TBC1D4: variants seen among roughly 807,000 people sequenced by gnomAD.
TBC1D4 encodes the protein TBC (Tre-2, BUB2, CDC16) domain-containing protein.
TBC1D4 carries 121 observed loss-of-function variants against 142.5 expected under a neutral mutation model. That is an observed-to-expected ratio of 0.85 (90% CI 0.73 to 0.99). The LOEUF (loss-of-function observed/expected upper bound fraction) is 0.99. Ranked by LOEUF, TBC1D4 falls within the 50% of genes least tolerant of loss-of-function variation. The pLI is 0.00. For synonymous variants in TBC1D4, 630 were observed against 628.2 expected, an observed-to-expected ratio of 1.00 and a Z score of -0.04; for missense variants, 1,475 against 1,606.6, an observed-to-expected ratio of 0.92 and a Z score of 1.40.
intron 1 of TBC1D4, among the ~76,000 whole-genome samples, chr13:75,378,428 TGA>T: frequency 6.6e-6 from 1 of 152,200 alleles, no homozygotes; most frequent in African/African-American, 2.4e-5. Context: ...ATCTAAACAA[TGA>T]GAGAAAACAT....
intron 1 of TBC1D4, among the ~76,000 whole-genome samples, chr13:75,398,794 T>C (rs1884933199): frequency 6.6e-6 from 1 of 152,156 alleles, no homozygotes; most frequent in Admixed American, 6.5e-5. Flanking sequence ...ATGGTTAGTA[T>C]CAAGAAAGTA....
At chr13:75,402,120 CAT>C (rs1885121162) in intron 1 of TBC1D4, among the ~76,000 whole-genome samples, 1 of 152,138 alleles carries the variant, frequency 6.6e-6, no homozygotes, top group Admixed American at 6.5e-5. Flanking sequence ...CAAGGATGAA[CAT>C]GGCACAGATT....
At chr13:75,448,358 G>A (rs1041787474) in intron 1 of TBC1D4, among the ~76,000 whole-genome samples, 4 of 151,798 alleles carry the variant, frequency 2.6e-5, no homozygotes, top group Admixed American at 6.6e-5. Context: ...ACCTGAGGTC[G>A]GGAGTTCAAC....
At chr13:75,405,190 T>A (rs987281645) in intron 1 of TBC1D4, among the ~76,000 whole-genome samples, 1 of 151,312 alleles carries the variant, frequency 6.6e-6, no homozygotes, top group African/African-American at 2.4e-5. Flanking sequence ...AGTAAACATA[T>A]AATTTTTGCA....
chr13:75,428,586 T>C (rs556381053), intron 1 of TBC1D4, among the ~76,000 whole-genome samples: 14 of 152,318 alleles, frequency 9.2e-5, no homozygotes, highest in African/African-American at 3.1e-4. Context: ...AATCACTCTA[T>C]GTACAGAATC....
chr13:75,297,393 A>T (rs1267134571), intron 17 of TBC1D4, among the ~76,000 whole-genome samples: 1 of 152,210 alleles, frequency 6.6e-6, no homozygotes, highest in Non-Finnish European at 1.5e-5. Flanking sequence ...AATAGCTACC[A>T]AACCGTTGTT....
chr13:75,442,709 G>A (rs1887094739), intron 1 of TBC1D4, among the ~76,000 whole-genome samples: 1 of 151,856 alleles, frequency 6.6e-6, no homozygotes, highest in Admixed American at 6.6e-5. Context: ...AACCCGGGAG[G>A]TGGAGGTTGC....
intron 1 of TBC1D4, among the ~76,000 whole-genome samples, chr13:75,458,576 T>A (rs111735109): frequency 6.6e-6 from 1 of 152,198 alleles, no homozygotes; most frequent in Non-Finnish European, 1.5e-5. Flanking sequence ...TTACCTAGTA[T>A]TTCCCTGCAT....
chr13:75,456,339 T>C (rs1261425844), intron 1 of TBC1D4, among the ~76,000 whole-genome samples: 1 of 152,182 alleles, frequency 6.6e-6, no homozygotes, highest in Non-Finnish European at 1.5e-5. Context: ...TTGTATTTCA[T>C]TAAGAGCTTC....
chr13:75,358,954 C>T (rs959538477), intron 3 of TBC1D4, among the ~76,000 whole-genome samples: 8 of 152,136 alleles, frequency 5.3e-5, no homozygotes, highest in Non-Finnish European at 1.2e-4. Context: ...TATAGCAATG[C>T]TAACTTCAAA....
chr13:75,407,437 G>C (rs1457623504), intron 1 of TBC1D4, among the ~76,000 whole-genome samples: 2 of 152,170 alleles, frequency 1.3e-5, no homozygotes, highest in African/African-American at 2.4e-5. Context: ...AAAATTGTTT[G>C]ATTTTCCCAA....
At chr13:75,298,316 T>C (rs1876163109) in intron 17 of TBC1D4, among the ~76,000 whole-genome samples, 1 of 152,216 alleles carries the variant, frequency 6.6e-6, no homozygotes, top group African/African-American at 2.4e-5. Context: ...TTTAAACTGC[T>C]TATTAGCAAC....
intron 1 of TBC1D4, among the ~76,000 whole-genome samples, chr13:75,477,955 C>T (rs1217810017): frequency 6.6e-6 from 1 of 152,194 alleles, no homozygotes; most frequent in Non-Finnish European, 1.5e-5. Context: ...TCTCTTTGCA[C>T]CTTGGAGAAA....
intron 1 of TBC1D4, among the ~76,000 whole-genome samples, chr13:75,367,744 T>C (rs1441275268): frequency 1.5e-5 from 1 of 66,694 alleles, no homozygotes; most frequent in Non-Finnish European, 2.8e-5. Flanking sequence ...GTTTACAGAC[T>C]ATCCAGGCAA....
rs1421417501 is a variant in TBC1D4, at chr13:75,343,575, T to C, written c.1409-1988A>G. Among the ~76,000 whole-genome samples, 3 of 152,162 alleles carry C rather than the reference T, an allele frequency of 2.0e-5. No individual in the cohort carries two copies. The South Asian group carries it at 6.2e-4, about 32-fold the overall frequency. ...TCTCGTTGCCCGGGCTGGAGTGCAA[T>C]GGCGCGATCTCGACTCACCGCAACT... On this transcript the variant is annotated intron_variant, in intron 5 of 20. Transcript: ENST00000377636.
At position 75,351,665 on chromosome 13, in the gene TBC1D4, C is replaced by T. The variant is rs140108641; in HGVS notation, c.1276-2363G>A. 9.9e-4 allele frequency among the ~76,000 whole-genome samples: 147 copies of T among 148,094 alleles called. No homozygotes were observed. In the East Asian group the frequency reaches 0.023, roughly 23 times the overall value. ...ATTCCCACCTATGAGTGAGAACATG[C>T]GGTGTTTGGTTTTTTTGTCCTTGCA... On this transcript the variant is annotated intron_variant, in intron 4 of 20. Transcript: ENST00000377636.
Position 75,326,381 on chromosome 13 carries a change from A to ACGTCC in TBC1D4, c.1848_1849insGGACG (p.Ser617GlyfsTer40). On this transcript the variant is annotated frameshift_variant, in exon 10 of 21. Transcript: ENST00000377636. LOFTEE classifies it high-confidence loss of function. ...GTTTGCCAAGCTGAGGACGGTGGGG[A>ACGTCC]CGCTGGCGGTGTCCCTGGTGGAGAA... 6.2e-7 allele frequency: 1 copy of ACGTCC among 1,614,046 alleles called. No individual in the cohort carries two copies. The highest frequency in any genetic ancestry group is 8.5e-7 in the Non-Finnish European group (1 of 1,179,996).
chr13:75,409,630 A>C (rs2138388368), intron 1 of TBC1D4, among the ~76,000 whole-genome samples: 1 of 152,350 alleles, frequency 6.6e-6, no homozygotes, highest in Admixed American at 6.5e-5. Context: ...CCTTGGTGAA[A>C]CTTCACAGTA....
intron 1 of TBC1D4, among the ~76,000 whole-genome samples, chr13:75,397,438 A>G (rs961184370): frequency 1.3e-5 from 2 of 152,236 alleles, no homozygotes; most frequent in African/African-American, 4.8e-5. Context: ...GAACTAATAC[A>G]GAATGTAAGG....
Sources: gnomAD v4.1 joint callset for allele counts (sites outside exome capture counted in the v4.1 genomes callset) on GRCh38, gnomAD v4.1.1 for gene constraint, MANE v1.5 for transcripts, NCBI Gene and HGNC (gene_info 2026-07-23, HGNC 2026-07-21) for gene names.